The following EXOC4 variants were observed in gnomAD, a reference collection of about 807,000 sequenced individuals.
The protein encoded by EXOC4 is exocyst complex component 4, also known as SEC8-like 1.
EXOC4 carries 71 observed loss-of-function variants against 107.2 expected under a neutral mutation model. That is an observed-to-expected ratio of 0.66 (90% CI 0.55 to 0.81). EXOC4 has a LOEUF of 0.81. EXOC4 is among the 30% of genes least tolerant of loss of function. EXOC4 has a pLI of 0.00. For synonymous variants in EXOC4, 456 were observed against 441.2 expected, an observed-to-expected ratio of 1.03 and a Z score of -0.42; for missense variants, 1,108 against 1,189.6, an observed-to-expected ratio of 0.93 and a Z score of 1.01.
intron 10 of EXOC4, among the ~76,000 whole-genome samples, chr7:133,738,612 T>C (rs138317762): frequency 3.8e-4 from 58 of 152,356 alleles, no homozygotes; most frequent in African/African-American, 1.2e-3. Flanking sequence ...CTGTTTTTCA[T>C]AGATAATTTT....
intron 9 of EXOC4, among the ~76,000 whole-genome samples, chr7:133,536,326 C>T (rs765667758): frequency 9.2e-5 from 14 of 152,010 alleles, no homozygotes; most frequent in Non-Finnish European, 1.5e-4. Context: ...TTTGCCCCTC[C>T]CTCCTCCTCT....
At chr7:134,093,196 C>T in the EXOC4 span, among the ~76,000 whole-genome samples, 1 of 152,082 alleles carries the variant, frequency 6.6e-6, no homozygotes, top group African/African-American at 2.4e-5. Context: ...CATAATGGTG[C>T]CCAAAGGCTC....
At chr7:133,803,054 C>T (rs1056418966) in intron 10 of EXOC4, among the ~76,000 whole-genome samples, 1 of 151,952 alleles carries the variant, frequency 6.6e-6, no homozygotes, top group Non-Finnish European at 1.5e-5. Context: ...AACTTTTGTG[C>T]TTGTGGTTAT....
At chr7:133,621,139 G>A (rs1049671422) in intron 9 of EXOC4, among the ~76,000 whole-genome samples, 2 of 152,164 alleles carry the variant, frequency 1.3e-5, no homozygotes, top group African/African-American at 4.8e-5. Context: ...ACATTTTACT[G>A]ATGGCTCAGG....
intron 10 of EXOC4, among the ~76,000 whole-genome samples, chr7:133,698,545 G>T (rs1201025712): frequency 4.8e-5 from 7 of 145,470 alleles, no homozygotes; most frequent in Non-Finnish European, 1.0e-4. Flanking sequence ...TCACGCCACG[G>T]CACTCCAGCA....
intron 12 of EXOC4, among the ~76,000 whole-genome samples, chr7:133,898,777 A>T (rs1012014107): frequency 2.7e-5 from 4 of 146,184 alleles, no homozygotes; most frequent in African/African-American, 1.0e-4. Flanking sequence ...AAAGAGTTCG[A>T]GACCAGCCTG....
chr7:133,672,595 C>T (rs1793972681), intron 10 of EXOC4, among the ~76,000 whole-genome samples: 2 of 151,872 alleles, frequency 1.3e-5, no homozygotes, highest in Admixed American at 1.3e-4. Context: ...GGGGGAAGCA[C>T]AGGTAATGAA....
At chr7:133,318,643 C>T (rs1394816226) in intron 5 of EXOC4, among the ~76,000 whole-genome samples, 3 of 152,276 alleles carry the variant, frequency 2.0e-5, no homozygotes, top group Non-Finnish European at 4.4e-5. Flanking sequence ...TCAATCAGTA[C>T]ATTTTGTGTA....
chr7:133,918,226 T>A (rs1342995129), intron 13 of EXOC4, among the ~76,000 whole-genome samples: 2 of 152,104 alleles, frequency 1.3e-5, no homozygotes. Flanking sequence ...ATGATCCACC[T>A]GCCTCGGCCT....
intron 7 of EXOC4, among the ~76,000 whole-genome samples, chr7:133,468,388 C>T (rs1452358776): frequency 1.1e-4 from 17 of 151,954 alleles, no homozygotes; most frequent in African/African-American, 3.9e-4. Context: ...TTAGACTGCT[C>T]TATTGAAAAA....
chr7:133,603,599 T>G (rs889217106), intron 9 of EXOC4, among the ~76,000 whole-genome samples: 1 of 152,188 alleles, frequency 6.6e-6, no homozygotes. Flanking sequence ...TGTAGGCAAT[T>G]GTAACAAAAC....
rs775959309 is a variant in EXOC4 at position 133,997,584 on chromosome 7, T to C, written c.2299T>C (p.Phe767Leu). 2 of 1,613,670 alleles carry C rather than the reference T, an allele frequency of 1.2e-6. No homozygotes were observed. The highest frequency in any genetic ancestry group is 3.3e-5 in the Admixed American group (2 of 59,928). ...MQTLSELAKS[F>L]QDMADRCLLV... ...GACTCTCAGTGAACTTGCCAAATCG[T>C]TCCAGGATATGGCTGACCGCTGCTT... Residue 767 changes from phenylalanine to leucine, a missense_variant, in exon 15 of 18, where the codon TTC becomes CTC. Phe to Leu is a conservative substitution (Grantham distance 22). Coordinates refer to ENST00000253861, the MANE Select transcript of EXOC4 (RefSeq NM_021807.4).
intron 8 of EXOC4, chr7:133,479,719 T>G (rs1410003316): frequency 3.8e-6 from 1 of 265,384 alleles, no homozygotes; most frequent in Non-Finnish European, 7.5e-6. Flanking sequence ...TAGGATGCTT[T>G]CGTTGCTGCA....
At chr7:133,652,549 A>C (rs199617898) in intron 10 of EXOC4, among the ~76,000 whole-genome samples, 1 of 152,242 alleles carries the variant, frequency 6.6e-6, no homozygotes, top group East Asian at 1.9e-4. Flanking sequence ...GGGAAGCCAT[A>C]TAAAGAAGAA....
chr7:133,398,270 A>G (rs1260497980), intron 7 of EXOC4, among the ~76,000 whole-genome samples: 2 of 152,200 alleles, frequency 1.3e-5, no homozygotes. Flanking sequence ...GGATCAAGCT[A>G]TCTCCTCACT....
intron 10 of EXOC4, among the ~76,000 whole-genome samples, chr7:133,773,855 G>A (rs1796294051): frequency 6.6e-6 from 1 of 152,052 alleles, no homozygotes; most frequent in Non-Finnish European, 1.5e-5. Flanking sequence ...TCTGCTACCA[G>A]TAGAAGACAT....
intron 9 of EXOC4, among the ~76,000 whole-genome samples, chr7:133,574,916 A>T (rs879276261): frequency 7.2e-5 from 11 of 152,310 alleles, no homozygotes; most frequent in African/African-American, 1.9e-4. Context: ...AAATTTTTGG[A>T]TGGGATATTG....
intron 9 of EXOC4, among the ~76,000 whole-genome samples, chr7:133,509,288 C>T (rs908920725): frequency 1.3e-5 from 2 of 151,882 alleles, no homozygotes; most frequent in Non-Finnish European, 1.5e-5. Context: ...ATTAGCCGGG[C>T]GTGGTGGCGG....
chr7:133,820,207 TAAA>T (rs1034537745), intron 11 of EXOC4, among the ~76,000 whole-genome samples: 39 of 149,348 alleles, frequency 2.6e-4, no homozygotes, highest in African/African-American at 8.6e-4. Context: ...TTTTTTTCAT[TAAA>T]AAAATTTATT....
Sources: gnomAD v4.1 joint callset for allele counts (sites outside exome capture counted in the v4.1 genomes callset) on GRCh38, gnomAD v4.1.1 for gene constraint, MANE v1.5 for transcripts, NCBI Gene and HGNC (gene_info 2026-07-23, HGNC 2026-07-21) for gene names.